The following FAT1 variants were observed in gnomAD, a reference collection of about 807,000 sequenced individuals.
The protein encoded by FAT1 is FAT atypical cadherin 1, also known as protocadherin Fat 1.
FAT1 carries 171 observed loss-of-function variants against 329.8 expected under a neutral mutation model. That is an observed-to-expected ratio of 0.52 (90% CI 0.46 to 0.59). The LOEUF is 0.59. FAT1 is among the 20% of genes least tolerant of loss of function. The pLI is 0.00. For missense variants in FAT1, 5,672 were observed against 5,774.4 expected (o/e 0.98, Z 0.57); for synonymous variants, 2,233 against 2,228.6 (o/e 1.00, Z -0.06).
intron 3 of FAT1, among the ~76,000 whole-genome samples, chr4:186,654,925 A>AC (rs1176097690): frequency 6.6e-6 from 1 of 151,882 alleles, no homozygotes; most frequent in African/African-American, 2.4e-5. Flanking sequence ...CAAAAAAAAA[A>AC]ACAAAAAAAA....
At position 186,604,365 on chromosome 4, in the gene FAT1, A is replaced by G. The variant is rs755617217; in HGVS notation, c.10548+12T>C. 5.6e-6 allele frequency: 9 copies of G among 1,603,916 alleles called. No individual in the cohort carries two copies. Among genetic ancestry groups the G allele is most frequent in the Non-Finnish European group, 6.8e-6 (8 of 1,174,806 alleles). On this transcript the variant is annotated intron_variant, in intron 18 of 26. Coordinates refer to ENST00000441802, the MANE Select transcript of FAT1 (RefSeq NM_005245.4). ...GAATCCACAACCAAACCACAAAGAA[A>G]GCCATTCATACCTTCACCTGCAGTA...
intron 2 of FAT1, among the ~76,000 whole-genome samples, chr4:186,705,112 T>C (rs1744512905): frequency 6.6e-6 from 1 of 150,540 alleles, no homozygotes; most frequent in Non-Finnish European, 1.5e-5. Context: ...CAGCATTTTT[T>C]TTTTTTTTTT....
chr4:186,642,004 C>CAAA (rs11426763), intron 3 of FAT1, among the ~76,000 whole-genome samples: 4 of 134,098 alleles, frequency 3.0e-5, no homozygotes, highest in African/African-American at 1.1e-4. Context: ...AAAACTCTGT[C>CAAA]AAAAAAAAAA....
chr4:186,704,091 A>T (rs1390664273), intron 2 of FAT1, among the ~76,000 whole-genome samples: 1 of 152,214 alleles, frequency 6.6e-6, no homozygotes, highest in South Asian at 2.1e-4. Context: ...TATAAACGTA[A>T]GTCTACTGTA....
In FAT1 at chr4:186,613,328, A is replaced by G. The variant is rs2126476396; in HGVS notation, c.9244T>C (p.Ser3082Pro). ...TGCTCCTCACGATCAAGGGGGGTTGACGTTTTCAGTTCACCTACAAACAAA... is the reference window on the plus strand; with the variant it reads ...TGCTCCTCACGATCAAGGGGGGTTGGCGTTTTCAGTTCACCTACAAACAAA... ...LNPDTGELKT[S>P]TPLDREEQAV... Residue 3082 changes from serine to proline, a missense_variant, in exon 13 of 27, where the codon TCA becomes CCA. Ser to Pro is a moderately conservative substitution (Grantham distance 74). Transcript: ENST00000441802. 6.2e-7 allele frequency: 1 copy of G among 1,613,918 alleles called. No homozygotes were observed. Among genetic ancestry groups the G allele is most frequent in the Non-Finnish European group, 8.5e-7 (1 of 1,179,798 alleles).
chr4:186,636,795 G>T lies in FAT1; in HGVS notation c.3762C>A (p.Leu1254=), dbSNP rs1740845188. Residue 1254 remains leucine (L), a synonymous_variant, in exon 5 of 27, where the codon CTC becomes CTA. Transcript: ENST00000441802. Reference sequence around the variant, plus strand: ...CTCGGTCTGGCTTTTCCCGCTCAGGGAGTCTGATTTTGTAGAACTTTTGCA... The same window carrying T: ...CTCGGTCTGGCTTTTCCCGCTCAGGTAGTCTGATTTTGTAGAACTTTTGCA... ...QFLQKFYKIR[L]PEREKPDRER... is the part of the protein sequence containing the mutation. The T allele has an allele frequency of 6.2e-7, 1 of 1,613,946 alleles. No homozygotes were observed.
rs758173222 is a variant in FAT1 at position 186,618,619 on chromosome 4, G to T, written c.7967C>A (p.Thr2656Asn). The change falls in exon 10 of 27, where the codon ACT (threonine) becomes AAT (asparagine). Residue 2656 changes from threonine (T) to asparagine (N), a missense_variant. Coordinates refer to ENST00000441802, the MANE Select transcript of FAT1 (RefSeq NM_005245.4). ...CAAGCCAATGAGGCTCTCCTTTGTA[G>T]TGATTACGCCGGACAGTTTGTTAAT... Reference protein sequence around the residue: ...LEINKLSGVITTKESLIGLEN... With the variant: ...LEINKLSGVINTKESLIGLEN... 1.4e-5 allele frequency: 23 copies of T among 1,613,944 alleles called. No individual in the cohort carries two copies. In the Admixed American group the frequency reaches 3.7e-4, roughly 26 times the overall value.
chr4:186,636,183 T>C lies in FAT1; in HGVS notation c.4025A>G (p.His1342Arg). ...TTTGGGCTTGGAGATCCATTCAATA[T>C]GGAGTCTGGTGGTTGATGACTTTTG... ...RPQKSSTTRL[H>R]IEWISKPKPS... The change falls in exon 6 of 27, where the codon CAT (histidine) becomes CGT (arginine). Residue 1342 changes from histidine (H) to arginine (R), a missense_variant. Around this residue, in one of 2 missense-constraint regions of FAT1, gnomAD observed 3,966 missense variants for 3,915.2 expected, o/e 1.01. Transcript: ENST00000441802. The C allele has an allele frequency of 1.2e-6, 2 of 1,614,008 alleles. No individual in the cohort carries two copies. Among genetic ancestry groups the C allele is most frequent in the Non-Finnish European group, 1.7e-6 (2 of 1,179,880 alleles).
At position 186,609,387 on chromosome 4, in the gene FAT1, T is replaced by C; in HGVS notation, c.10069-67A>G. On this transcript the variant is annotated intron_variant, in intron 15 of 26. Coordinates refer to ENST00000441802, the MANE Select transcript of FAT1 (RefSeq NM_005245.4). Reference sequence around the variant, plus strand: ...AGGCCTAAACCTATTACACAAAATTTGTGATATTAATAGCTTAGCTGTTTC... The same window carrying C: ...AGGCCTAAACCTATTACACAAAATTCGTGATATTAATAGCTTAGCTGTTTC... 5 of 1,535,780 alleles carry C rather than the reference T, an allele frequency of 3.3e-6. No individual in the cohort carries two copies. The African/African-American group carries it at 4.2e-5, about 13-fold the overall frequency.
chr4:186,637,744 C>A (rs1370631243), intron 4 of FAT1, among the ~76,000 whole-genome samples: 1 of 152,162 alleles, frequency 6.6e-6, no homozygotes, highest in Non-Finnish European at 1.5e-5. Context: ...TCTCCCCTAT[C>A]CACACCCCTA....
rs764994350 is a variant in FAT1 at position 186,603,474 on chromosome 4, C to T, written c.11052G>A (p.Gln3684=). The change falls in exon 19 of 27, where the codon CAG becomes CAA. Residue 3684 remains glutamine (Q), a synonymous_variant. Coordinates refer to ENST00000441802, the MANE Select transcript of FAT1 (RefSeq NM_005245.4). ...CCAGATGTGGGTGAGGTTCAGAGGA[C>T]TGCAAACTAACAATCTGTATGTCGT... ...RRNDIQIVSL[Q]SSEPHPHLDV... 6.2e-7 allele frequency: 1 copy of T among 1,613,980 alleles called. No homozygotes were observed. The highest frequency in any genetic ancestry group is 8.5e-7 in the Non-Finnish European group (1 of 1,179,882).
chr4:186,631,651 T>C (rs1254590193), intron 7 of FAT1, among the ~76,000 whole-genome samples: 2 of 149,904 alleles, frequency 1.3e-5, no homozygotes, highest in Non-Finnish European at 3.0e-5. Context: ...ATTCCTGCGG[T>C]ATCCTAGTCT....
At chr4:186,651,164 A>T (rs990591744) in intron 3 of FAT1, among the ~76,000 whole-genome samples, 13 of 149,746 alleles carry the variant, frequency 8.7e-5, no homozygotes, top group Non-Finnish European at 1.2e-4. Context: ...AAATTTATTA[A>T]TAATAAATTA....
intron 2 of FAT1, among the ~76,000 whole-genome samples, chr4:186,681,145 T>TA (rs2126644899): frequency 6.6e-6 from 1 of 152,312 alleles, no homozygotes; most frequent in South Asian, 2.1e-4. Flanking sequence ...GTATTGGCCT[T>TA]ATAATCAACC....
At chr4:186,659,793 G>A (rs1298929772) in intron 3 of FAT1, among the ~76,000 whole-genome samples, 2 of 144,314 alleles carry the variant, frequency 1.4e-5, no homozygotes, top group East Asian at 4.1e-4. Flanking sequence ...CACACAATCC[G>A]GCTGTGGCAC....
Position 186,707,035 on chromosome 4 carries a change from A to G in FAT1, c.2793T>C (p.Asn931=). 1 of 1,613,920 alleles carries G rather than the reference A, an allele frequency of 6.2e-7. No individual in the cohort carries two copies. The highest frequency in any genetic ancestry group is 8.5e-7 in the Non-Finnish European group (1 of 1,179,886). The change falls in exon 2 of 27, where the codon AAT becomes AAC. Residue 931 remains asparagine (N), a synonymous_variant. Transcript: ENST00000441802. ...NDNPPTFIPP[N]YRVKVREDLP... is the part of the protein sequence containing the mutation. ...GATCCTCTCGGACTTTCACACGATA[A>G]TTAGGTGGAATAAATGTAGGTGGGT... is the stretch of plus-strand genomic sequence containing the variant.
intron 2 of FAT1, among the ~76,000 whole-genome samples, chr4:186,679,354 T>C (rs1743094449): frequency 6.8e-6 from 1 of 147,362 alleles, no homozygotes; most frequent in Non-Finnish European, 1.5e-5. Context: ...GAGGCGGAGC[T>C]TGCAGTGAGC....
chr4:186,641,730 G>C (rs1332711746), intron 3 of FAT1, among the ~76,000 whole-genome samples: 3 of 152,158 alleles, frequency 2.0e-5, no homozygotes, highest in Non-Finnish European at 4.4e-5. Flanking sequence ...AAAAAGGCTG[G>C]GCATGGTGGC....
At chr4:186,675,455 A>G (rs867619787) in intron 2 of FAT1, among the ~76,000 whole-genome samples, 1 of 152,116 alleles carries the variant, frequency 6.6e-6, no homozygotes, top group East Asian at 1.9e-4. Context: ...CAATAAATAA[A>G]AAGAAAAAAA....
Sources: allele counts gnomAD v4.1 joint callset (sites outside exome capture counted in the v4.1 genomes callset), GRCh38; gene constraint gnomAD v4.1.1; regional missense constraint gnomAD v4.1.1; transcripts MANE v1.5; gene names NCBI Gene and HGNC (gene_info 2026-07-23, HGNC 2026-07-21).